The following MROH2B variants were observed in gnomAD, a reference collection of about 807,000 sequenced individuals.
The protein encoded by MROH2B is maestro heat like repeat family member 2B, also known as maestro heat-like repeat-containing protein family member 2B.
A neutral mutation model predicts 208.6 loss-of-function variants in MROH2B; 177 were observed. The observed-to-expected ratio is 0.85, with a 90% CI of 0.75 to 0.96. MROH2B has a LOEUF of 0.96. Ranked by LOEUF, MROH2B falls within the 40% of genes least tolerant of loss-of-function variation. The pLI, the probability that MROH2B is intolerant of heterozygous loss-of-function variation, is 0.00. For missense variants in MROH2B, 2,002 were observed against 1,878.7 expected (o/e 1.07, Z -1.21); for synonymous variants, 728 against 659.0 (o/e 1.10, Z -1.60).
intron 32 of MROH2B, 125 bp from the exon 33 acceptor site, chr5:41,008,918 G>T: frequency 2.9e-6 from 3 of 1,025,554 alleles, no homozygotes; most frequent in South Asian, 1.8e-5. Context: ...AGGGTTTATT[G>T]TCTGGAAATT....
rs1443217743 is a variant in MROH2B, at chr5:41,057,307, C to G, written c.810G>C (p.Arg270Ser). The stretch of plus-strand genomic sequence containing the variant: ...TGATAAAGATGGATCTTCTCAAGCT[C>G]CTTGGAAGGCCAATGTCATAAAGAA... Reference protein sequence around the residue: ...AAVLYDIGLPRSLRRSIFINL... With the variant: ...AAVLYDIGLPSSLRRSIFINL... Residue 270 changes from arginine to serine, a missense_variant, in exon 8 of 42, where the codon AGG (arginine) becomes AGC (serine). Transcript: ENST00000399564. 1 of 1,593,924 alleles carries G rather than the reference C, an allele frequency of 6.3e-7. No homozygotes were observed. The highest frequency in any genetic ancestry group is 8.6e-7 in the Non-Finnish European group (1 of 1,169,500).
At chr5:41,034,016 G>A (rs1167407347) in intron 21 of MROH2B, 152 bp from the exon 22 acceptor site, 1 of 924,054 alleles carries the variant, frequency 1.1e-6, no homozygotes, top group Admixed American at 6.4e-5. Flanking sequence ...GGGGAGGGGG[G>A]CAATTCACTT....
chr5:41,001,469 T>C (rs750152843), intron 37 of MROH2B, among the ~76,000 whole-genome samples: 1 of 152,108 alleles, frequency 6.6e-6, no homozygotes, highest in Non-Finnish European at 1.5e-5. Context: ...CCCAGCACTT[T>C]GGGAGCAGAG....
Position 41,042,086 on chromosome 5 carries a change from TC to T in MROH2B, c.1953+5del. On this transcript the variant is annotated splice_donor_5th_base_variant and intron_variant, in intron 19 of 41. Coordinates refer to ENST00000399564, the MANE Select transcript of MROH2B (RefSeq NM_173489.5). Reference sequence around the variant, plus strand: ...ATAAGAGGAAATTGAGAGCAAGGGGTCCCACCTGTCTTTGATCCCCCAGTTG... The same window carrying T: ...ATAAGAGGAAATTGAGAGCAAGGGGTCCACCTGTCTTTGATCCCCCAGTTG... 1 of 1,528,176 alleles carries T rather than the reference TC, an allele frequency of 6.5e-7. No individual in the cohort carries two copies. Among genetic ancestry groups the T allele is most frequent in the South Asian group, 1.2e-5 (1 of 84,708 alleles). The allele number at this position is 1,528,176 out of a possible 1,614,324, so 94.7% of individuals were successfully genotyped here. A position where few individuals can be genotyped will look rare whatever the true frequency, so the allele number is the denominator to read the frequency against.
intron 37 of MROH2B, among the ~76,000 whole-genome samples, chr5:41,001,593 C>CACAGCT (rs1178513308): frequency 2.6e-5 from 4 of 151,986 alleles, no homozygotes; most frequent in African/African-American, 7.2e-5. Flanking sequence ...TGCCTGTAGT[C>CACAGCT]ACAGCTACAG....
At chr5:41,049,037 T>G in intron 15 of MROH2B, 64 bp downstream of exon 15, 1 of 1,471,964 alleles carries the variant, frequency 6.8e-7, no homozygotes, top group Non-Finnish European at 9.3e-7. Context: ...TAGCACTTAT[T>G]TGGAACTGAA....
chr5:41,000,856 T>G, intron 37 of MROH2B, 23 bp from the exon 38 acceptor site: 1 of 1,599,150 alleles, frequency 6.3e-7, no homozygotes, highest in Non-Finnish European at 8.5e-7. Context: ...ATGCATGTCG[T>G]GGTGAATATC....
intron 24 of MROH2B, among the ~76,000 whole-genome samples, chr5:41,023,731 T>C (rs1742245322): frequency 6.6e-6 from 1 of 152,046 alleles, no homozygotes; most frequent in Non-Finnish European, 1.5e-5. Flanking sequence ...CACATAATTG[T>C]CAGATACATC....
In MROH2B at chr5:41,049,440, T is replaced by C. The variant is rs772847479; in HGVS notation, c.1345-4A>G. The C allele has an allele frequency of 6.8e-6, 11 of 1,609,010 alleles. No individual in the cohort carries two copies. Reference sequence around the variant, plus strand: ...TCAGGATCCTTGGCCATAGCACCTGTGGAAAACAGGGCATGATGCAAGGAT... The same window carrying C: ...TCAGGATCCTTGGCCATAGCACCTGCGGAAAACAGGGCATGATGCAAGGAT... On this transcript the variant is annotated splice_polypyrimidine_tract_variant and splice_region_variant and intron_variant, in intron 13 of 41. Coordinates refer to ENST00000399564, the MANE Select transcript of MROH2B (RefSeq NM_173489.5).
chr5:41,011,672 C>CTT (rs70988828), intron 30 of MROH2B, among the ~76,000 whole-genome samples: 39 of 145,176 alleles, frequency 2.7e-4, no homozygotes, highest in African/African-American at 8.3e-4. Context: ...TTTCCTTTTT[C>CTT]TTTTTTTTTT....
chr5:41,023,556 C>G (rs1038723010), intron 24 of MROH2B, among the ~76,000 whole-genome samples: 4 of 152,182 alleles, frequency 2.6e-5, no homozygotes, highest in African/African-American at 9.7e-5. Flanking sequence ...AAGACCAAAT[C>G]TACATCTGGT....
intron 11 of MROH2B, 44 bp from the exon 12 acceptor site, chr5:41,052,631 C>A: frequency 2.0e-6 from 3 of 1,532,486 alleles, no homozygotes; most frequent in South Asian, 1.3e-5. Context: ...CTATGTTTTG[C>A]AGAAGGGAAA....
At chr5:41,000,187 C>T (rs370236349) in intron 39 of MROH2B, 33 bp downstream of exon 39, 54 of 1,611,978 alleles carry the variant, frequency 3.3e-5, no homozygotes, top group Non-Finnish European at 4.6e-5. Flanking sequence ...CTTGTCCTGC[C>T]TTTTTTGGAG....
At chr5:41,027,368 AG>A (rs1742403878) in intron 24 of MROH2B, among the ~76,000 whole-genome samples, 1 of 152,246 alleles carries the variant, frequency 6.6e-6, no homozygotes. Flanking sequence ...CCCATCAAAA[AG>A]TGGGCAAAGG....
At chr5:41,019,759 T>C (rs1432652254) in intron 24 of MROH2B, among the ~76,000 whole-genome samples, 1 of 152,190 alleles carries the variant, frequency 6.6e-6, no homozygotes, top group African/African-American at 2.4e-5. Context: ...AGGAATAAAA[T>C]TCAGTACCAG....
chr5:41,049,308 C>T lies in MROH2B; in HGVS notation c.1473G>A (p.Ser491=), dbSNP rs116584060. The T allele has an allele frequency of 0.046, 74,172 of 1,612,932 alleles. 1,998 individuals carry two copies. The highest frequency in any genetic ancestry group is 0.083 in the Middle Eastern group (503 of 6,050). ...EEKKQHSAKE[S]TALVVSTGAV... is the part of the protein sequence containing the mutation. ...CTCCTGTAGAGACGACAAGTGCTGT[C>T]GACTCCTTGGCACTGTGCTGCTTCT... The change falls in exon 14 of 42, where the codon TCG becomes TCA. Residue 491 remains serine, a synonymous_variant. Coordinates refer to ENST00000399564, the MANE Select transcript of MROH2B (RefSeq NM_173489.5).
In MROH2B at chr5:41,050,977, C is replaced by T; in HGVS notation, c.1344G>A (p.Gln448=). ...TLDPLVIGMP[Q]VLWPRILTFV... ...TAAGTGGTGACAAAAGACCACTTACCTGAGGCATTCCAATGACCAGTGGGT... is the reference window on the plus strand; with the variant it reads ...TAAGTGGTGACAAAAGACCACTTACTTGAGGCATTCCAATGACCAGTGGGT... The change falls in exon 13 of 42, where the codon CAG becomes CAA. Residue 448 remains glutamine (Q), a splice_region_variant and synonymous_variant. Transcript: ENST00000399564. 1 of 1,565,248 alleles carries T rather than the reference C, an allele frequency of 6.4e-7. No individual in the cohort carries two copies. Among genetic ancestry groups the T allele is most frequent in the Non-Finnish European group, 8.6e-7 (1 of 1,158,430 alleles).
chr5:41,039,181 A>T (rs1284037161), intron 20 of MROH2B, among the ~76,000 whole-genome samples: 4 of 152,128 alleles, frequency 2.6e-5, no homozygotes, highest in Non-Finnish European at 4.4e-5. Context: ...GGAGCTATTC[A>T]TGAGGGCCGA....
rs184858034 is a variant in MROH2B, at chr5:41,065,622, G to A, written c.202-132C>T. 1.0e-3 allele frequency: 741 copies of A among 735,792 alleles called. 1 individual carries two copies. The highest frequency in any genetic ancestry group is 1.2e-3 in the Non-Finnish European group (590 of 478,922). 45.6% of individuals were successfully genotyped at this position (735,792 alleles called of 1,614,324 possible). On this transcript the variant is annotated intron_variant, in intron 3 of 41. Coordinates refer to ENST00000399564, the MANE Select transcript of MROH2B (RefSeq NM_173489.5). ...AAAATTATAGATTCAGGGGGTACAT[G>A]TGCAGGTTGGTCACATGGTTCAACT...
Sources: allele counts gnomAD v4.1 joint callset (sites outside exome capture counted in the v4.1 genomes callset), GRCh38; gene constraint gnomAD v4.1.1; transcripts MANE v1.5; gene names NCBI Gene and HGNC (gene_info 2026-07-23, HGNC 2026-07-21).